SGK1: variants seen among roughly 807,000 people sequenced by gnomAD.
SGK1 encodes the protein serum/glucocorticoid regulated kinase 1, also known as serine/threonine-protein kinase Sgk1.
In SGK1, 26 loss-of-function variants were observed where a neutral mutation model predicts 64.2. The observed-to-expected ratio is 0.40, with a 90% CI of 0.30 to 0.56. The LOEUF is 0.56. Among genes scored for constraint, SGK1 ranks in the 20% least tolerant of loss-of-function variants. SGK1 has a pLI of 0.38. For synonymous variants in SGK1, 265 were observed against 239.7 expected, an observed-to-expected ratio of 1.11 and a Z score of -0.98; for missense variants, 519 against 645.6, an observed-to-expected ratio of 0.80 and a Z score of 2.12.
At chr6:134,279,889 A>T (rs1035124369) in intron 1 of SGK1, among the ~76,000 whole-genome samples, 1 of 152,190 alleles carries the variant, frequency 6.6e-6, no homozygotes, top group Non-Finnish European at 1.5e-5. Context: ...TTGCTTAGAA[A>T]GCCTACTGTT....
chr6:134,235,934 TTAAC>T (rs980929763), intron 2 of SGK1, among the ~76,000 whole-genome samples: 5 of 152,100 alleles, frequency 3.3e-5, no homozygotes, highest in Non-Finnish European at 5.9e-5. Context: ...GTATTTCTAA[TTAAC>T]TAATTTTTTT....
Position 134,220,976 on chromosome 6 carries a change from C to T in SGK1, c.286-13545G>A, listed in dbSNP as rs540679107. On this transcript the variant is annotated intron_variant, in intron 2 of 13. Coordinates refer to ENST00000367858, the MANE Select transcript of SGK1 (RefSeq NM_001143676.3). The stretch of plus-strand genomic sequence containing the variant: ...CAGCCTGATCAACAGAGTGAGACTC[C>T]GGCTCAAAAAAAAAAAAAAAAATTT... Among the ~76,000 whole-genome samples, 8 of 143,258 alleles carry T rather than the reference C, an allele frequency of 5.6e-5. No individual in the cohort carries two copies. In the South Asian group the frequency reaches 8.7e-4, roughly 16 times the overall value. 94.0% of individuals were successfully genotyped at this position (143,258 alleles called of 152,430 possible). A position where few individuals can be genotyped will look rare whatever the true frequency, so the allele number is the denominator to read the frequency against.
chr6:134,260,602 G>A (rs2114746706), intron 2 of SGK1: 1 of 150,946 alleles, frequency 6.6e-6, no homozygotes, highest in East Asian at 1.9e-4. Context: ...AACTCAGGAA[G>A]CGGAGGTTGC....
intron 3 of SGK1, chr6:134,180,264 G>T (rs1253969320): frequency 1.3e-5 from 2 of 152,004 alleles, no homozygotes; most frequent in Non-Finnish European, 2.9e-5. Context: ...TGAGGAATGA[G>T]AATCTACATA....
At chr6:134,309,095 C>T (rs77571834) in intron 1 of SGK1, among the ~76,000 whole-genome samples, 3,694 of 152,294 alleles carry the variant, frequency 0.024, 68 homozygotes, top group East Asian at 0.081. Context: ...CTCCGAAAAA[C>T]GTCACAGCAG....
intron 2 of SGK1, among the ~76,000 whole-genome samples, chr6:134,236,413 G>A (rs1377494319): frequency 6.6e-6 from 1 of 152,110 alleles, no homozygotes; most frequent in African/African-American, 2.4e-5. Flanking sequence ...AATTGCTTGA[G>A]CCCAGGAGTT....
chr6:134,243,867 G>A (rs1021558008), intron 2 of SGK1, among the ~76,000 whole-genome samples: 3 of 151,864 alleles, frequency 2.0e-5, no homozygotes, highest in Non-Finnish European at 2.9e-5. Flanking sequence ...CTATATAGAT[G>A]GAGAATTAAG....
intron 1 of SGK1, among the ~76,000 whole-genome samples, chr6:134,273,572 G>A (rs1776973680): frequency 1.0e-5 from 1 of 96,194 alleles, no homozygotes; most frequent in African/African-American, 4.1e-5. Flanking sequence ...CAGCCTGGGC[G>A]ACAGAGCGAG....
intron 2 of SGK1, among the ~76,000 whole-genome samples, chr6:134,208,272 A>G (rs1224463845): frequency 6.6e-6 from 1 of 152,140 alleles, no homozygotes; most frequent in Non-Finnish European, 1.5e-5. Context: ...GCACATGTAC[A>G]TATGCAATAT....
intron 2 of SGK1, among the ~76,000 whole-genome samples, chr6:134,227,466 G>A (rs546309452): frequency 2.0e-5 from 3 of 152,260 alleles, no homozygotes; most frequent in Admixed American, 1.3e-4. Context: ...ACTATCTGGA[G>A]CTATCTGAAG....
At chr6:134,277,978 A>G (rs754497528) in intron 1 of SGK1, among the ~76,000 whole-genome samples, 3 of 152,260 alleles carry the variant, frequency 2.0e-5, no homozygotes, top group Admixed American at 1.3e-4. Flanking sequence ...TTCCAGTTCT[A>G]GCTTCGTAAC....
At chr6:134,305,643 A>T (rs1777524471) in intron 1 of SGK1, among the ~76,000 whole-genome samples, 2 of 151,764 alleles carry the variant, frequency 1.3e-5, no homozygotes, top group South Asian at 4.1e-4. Context: ...AAATTTATTC[A>T]ATGTATTTTG....
At chr6:134,300,017 C>CT in intron 1 of SGK1, among the ~76,000 whole-genome samples, 1 of 152,172 alleles carries the variant, frequency 6.6e-6, no homozygotes, top group South Asian at 2.1e-4. Context: ...TTTATTGCCA[C>CT]TAAAAAAGGA....
Position 134,173,342 on chromosome 6 carries a change from G to A in SGK1, c.634C>T (p.His212Tyr). ...GCATAGAACACTTCTTCTGCCTTGT[G>A]TCTTGCTAGAAGAACCTGAAATTTC... Reference protein sequence around the residue: ...GSFGKVLLARHKAEEVFYAVK... With the variant: ...GSFGKVLLARYKAEEVFYAVK... The change falls in exon 7 of 14, where the codon CAC becomes TAC. Residue 212 changes from histidine (H) to tyrosine (Y), a missense_variant. Around this residue, in one of 2 missense-constraint regions of SGK1, gnomAD observed 278 missense variants for 408.7 expected, o/e 0.68. Transcript: ENST00000367858. The A allele has an allele frequency of 6.2e-7, 1 of 1,612,608 alleles. No homozygotes were observed. Among genetic ancestry groups the A allele is most frequent in the Non-Finnish European group, 8.5e-7 (1 of 1,178,856 alleles).
chr6:134,278,103 G>A (rs916571494), intron 1 of SGK1, among the ~76,000 whole-genome samples: 4 of 152,120 alleles, frequency 2.6e-5, no homozygotes, highest in Admixed American at 6.6e-5. Context: ...AAAGCTCTTC[G>A]TTCCCTGAAG....
In SGK1 at chr6:134,174,837, G is replaced by A. The variant is rs78369215; in HGVS notation, c.362-251C>T. 598 of 1,613,678 alleles carry A rather than the reference G, an allele frequency of 3.7e-4. 3 individuals are homozygous for A. In the East Asian group the frequency reaches 0.012, roughly 32 times the overall value. ...ACCGCGGGGAGACAGAAAGACGTTA[G>A]CGCTCAAAGACCGGCTCGGCGTATG... On this transcript the variant is annotated intron_variant, in intron 3 of 13. Coordinates refer to ENST00000367858, the MANE Select transcript of SGK1 (RefSeq NM_001143676.3).
intron 3 of SGK1, among the ~76,000 whole-genome samples, chr6:134,204,090 A>G (rs1392499185): frequency 2.0e-5 from 3 of 151,624 alleles, no homozygotes; most frequent in African/African-American, 4.8e-5. Context: ...AAAAAAGTAT[A>G]TGTGCCTAAT....
At chr6:134,301,038 A>G (rs1363863605) in intron 1 of SGK1, among the ~76,000 whole-genome samples, 2 of 152,234 alleles carry the variant, frequency 1.3e-5, no homozygotes, top group East Asian at 1.9e-4. Flanking sequence ...ACTCTCACAA[A>G]TGAGTTATGT....
At chr6:134,219,517 T>C (rs1562254976) in intron 2 of SGK1, among the ~76,000 whole-genome samples, 1 of 151,986 alleles carries the variant, frequency 6.6e-6, no homozygotes, top group Non-Finnish European at 1.5e-5. Flanking sequence ...TCCCAGAACT[T>C]TGGGAGGCTG....
Sources: allele counts gnomAD v4.1 joint callset (sites outside exome capture counted in the v4.1 genomes callset), GRCh38; gene constraint gnomAD v4.1.1; regional missense constraint gnomAD v4.1.1; transcripts MANE v1.5; gene names NCBI Gene and HGNC (gene_info 2026-07-23, HGNC 2026-07-21).